EPHA8: variants seen among roughly 807,000 people sequenced by gnomAD.
The protein encoded by EPHA8 is EPH receptor A8.
EPHA8 carries 58 observed loss-of-function variants against 103.6 expected under a neutral mutation model. The observed-to-expected ratio is 0.56, with a 90% CI of 0.45 to 0.70. The LOEUF (loss-of-function observed/expected upper bound fraction) is 0.70, where lower values mean the gene tolerates loss of function less well. Ranked by LOEUF, EPHA8 falls within the 30% of genes least tolerant of loss-of-function variation. The pLI, the probability that EPHA8 is intolerant of heterozygous loss-of-function variation, is 0.00. For missense variants in EPHA8, 1,304 were observed against 1,395.2 expected (o/e 0.93, Z 1.04); for synonymous variants, 559 against 572.5 (o/e 0.98, Z 0.34).
At chr1:22,577,993 GTACACCTGTGTGTGCA>G (rs1640787425) in intron 3 of EPHA8, among the ~76,000 whole-genome samples, 3 of 636 alleles carry the variant, frequency 4.7e-3, no homozygotes, top group Non-Finnish European at 9.6e-3. Context: ...ATGTGTGCAT[GTACACCTGTGTGTGCA>G]TGTGTATGTG....
At position 22,586,509 on chromosome 1, in the gene EPHA8, C is replaced by T. The variant is rs759009996; in HGVS notation, c.853C>T (p.Pro285Ser). 3.7e-6 allele frequency: 6 copies of T among 1,613,606 alleles called. No individual in the cohort carries two copies. The African/African-American group carries it at 5.3e-5, about 14-fold the overall frequency. Reference sequence around the variant, plus strand: ...TGAGCTGGGCTTCTACAAGTCAGCCCCTGGGGACCAGCTGTGTGCCCGCTG... The same window carrying T: ...TGAGCTGGGCTTCTACAAGTCAGCCTCTGGGGACCAGCTGTGTGCCCGCTG... ...ACELGFYKSA[P>S]GDQLCARCPP... The change falls in exon 4 of 17, where the codon CCT becomes TCT. Residue 285 changes from proline (P) to serine (S), a missense_variant. Pro to Ser is a moderately conservative substitution (Grantham distance 74). Transcript: ENST00000166244.
intron 13 of EPHA8, among the ~76,000 whole-genome samples, chr1:22,599,682 G>A (rs1197703423): frequency 1.6e-4 from 7 of 44,514 alleles, no homozygotes; most frequent in Admixed American, 2.5e-4. Context: ...AAGGAGGGAA[G>A]GAAGGAAAGG....
At position 22,589,301 on chromosome 1, in the gene EPHA8, G is replaced by A; in HGVS notation, c.1315+95G>A. The A allele has an allele frequency of 6.2e-7, 1 of 1,612,630 alleles. No homozygotes were observed. The highest frequency in any genetic ancestry group is 8.5e-7 in the Non-Finnish European group (1 of 1,179,688). On this transcript the variant is annotated intron_variant, in intron 5 of 16. Coordinates refer to ENST00000166244, the MANE Select transcript of EPHA8 (RefSeq NM_020526.5). The surrounding 1 kb of genome is among the most constrained non-coding windows in gnomAD (Gnocchi z 4.3). The stretch of plus-strand genomic sequence containing the variant: ...ATCAGAGCTCTGCCGGGGACGTGCT[G>A]TGGGCCTTTAGGCAAGTGCCTCTCT...
chr1:22,593,208 A>G (rs1342862737), intron 5 of EPHA8, 118 bp from the exon 6 acceptor site: 2 of 1,425,940 alleles, frequency 1.4e-6, no homozygotes, highest in African/African-American at 1.4e-5. Context: ...CTGGGGCAGG[A>G]CCATCAGGAA....
chr1:22,590,965 C>T (rs1641356562), intron 5 of EPHA8, among the ~76,000 whole-genome samples: 1 of 151,926 alleles, frequency 6.6e-6, no homozygotes, highest in African/African-American at 2.4e-5. Context: ...CCCTAAAGCC[C>T]CAGGGACCTC....
chr1:22,576,961 C>T lies in EPHA8; in HGVS notation c.823+81C>T. 2.1e-6 allele frequency: 3 copies of T among 1,450,642 alleles called. No homozygotes were observed. The highest frequency in any genetic ancestry group is 2.7e-6 in the Non-Finnish European group (3 of 1,093,424). The allele number at this position is 1,450,642 out of a possible 1,614,324, so 89.9% of individuals were successfully genotyped here. A position where few individuals can be genotyped will look rare whatever the true frequency, so the allele number is the denominator to read the frequency against. ...AGGGCTGCCAGGGTGTAAGGGGGGA[C>T]GTCAGAGCCCACAGGCACCTGAGTG... is the stretch of plus-strand genomic sequence containing the variant. On this transcript the variant is annotated intron_variant, in intron 3 of 16. Coordinates refer to ENST00000166244, the MANE Select transcript of EPHA8 (RefSeq NM_020526.5). This position sits in a 1 kb window ranked among gnomAD's most constrained non-coding sequence, Gnocchi z 4.8.
rs1303861509 is a variant in EPHA8, at chr1:22,563,919, C to T, written c.94+190C>T. On this transcript the variant is annotated intron_variant, in intron 1 of 16. Coordinates refer to ENST00000166244, the MANE Select transcript of EPHA8 (RefSeq NM_020526.5). The surrounding 1 kb of genome is among the most constrained non-coding windows in gnomAD (Gnocchi z 4.4). ...GGACAGAGCGGTGGAGATGGGAACCCGCGAGCTTGAGGAAGACGGACAGGT... is the reference window on the plus strand; with the variant it reads ...GGACAGAGCGGTGGAGATGGGAACCTGCGAGCTTGAGGAAGACGGACAGGT... 6.6e-6 allele frequency among the ~76,000 whole-genome samples: 1 copy of T among 151,916 alleles called. No individual in the cohort carries two copies. Among genetic ancestry groups the T allele is most frequent in the Non-Finnish European group, 1.5e-5 (1 of 67,944 alleles).
At position 22,593,558 on chromosome 1, in the gene EPHA8, C is replaced by T. The variant is rs1641434044; in HGVS notation, c.1475C>T (p.Ala492Val). The T allele has an allele frequency of 6.2e-7, 1 of 1,612,500 alleles. No individual in the cohort carries two copies. Among genetic ancestry groups the T allele is most frequent in the Non-Finnish European group, 8.5e-7 (1 of 1,179,780 alleles). The change falls in exon 7 of 17, where the codon GCC (alanine) becomes GTC (valine). Residue 492 changes from alanine to valine, a missense_variant. Coordinates refer to ENST00000166244, the MANE Select transcript of EPHA8 (RefSeq NM_020526.5). ...ATGCAGAGCTACTCCACCCTCAAGG[C>T]CGTCACCACCAGAGCCACCGTCTCC... Reference protein sequence around the residue: ...KEMQSYSTLKAVTTRATVSGL... With the variant: ...KEMQSYSTLKVVTTRATVSGL...
chr1:22,597,469 C>T lies in EPHA8; in HGVS notation c.1923C>T (p.Ile641=), dbSNP rs761435838. ...EASRIHIEKI[I]GSGDSGEVCY... is the part of the protein sequence containing the mutation. The stretch of plus-strand genomic sequence containing the variant: ...CTAGGATCCACATCGAGAAAATCAT[C>T]GGCTCTGGTGAGTCTCAGGGGTTGT... The change falls in exon 10 of 17, where the codon ATC becomes ATT. Residue 641 remains isoleucine (I), a synonymous_variant. Coordinates refer to ENST00000166244, the MANE Select transcript of EPHA8 (RefSeq NM_020526.5). This position sits in a 1 kb window ranked among gnomAD's most constrained non-coding sequence, Gnocchi z 4.6. 8.7e-6 allele frequency: 14 copies of T among 1,612,786 alleles called. No individual in the cohort carries two copies. Among genetic ancestry groups the T allele is most frequent in the Middle Eastern group, 1.6e-4 (1 of 6,080 alleles).
intron 3 of EPHA8, among the ~76,000 whole-genome samples, chr1:22,578,469 T>C (rs1299635829): frequency 6.6e-6 from 1 of 151,624 alleles, no homozygotes; most frequent in Non-Finnish European, 1.5e-5. Flanking sequence ...TGCATGTGTG[T>C]GCATGTGCAT....
chr1:22,578,798 C>T (rs369302031), intron 3 of EPHA8, among the ~76,000 whole-genome samples: 181 of 146,222 alleles, frequency 1.2e-3, no homozygotes, highest in African/African-American at 4.1e-3. Context: ...TGTATGTGTG[C>T]GTGTGTGCAT....
intron 2 of EPHA8, among the ~76,000 whole-genome samples, chr1:22,570,312 G>A (rs1178432654): frequency 7.9e-6 from 1 of 127,022 alleles, no homozygotes; most frequent in Non-Finnish European, 1.6e-5. Context: ...ACGTGTGCGT[G>A]TACACACATG....
chr1:22,564,079 G>A (rs1640281424), intron 1 of EPHA8, among the ~76,000 whole-genome samples: 1 of 151,686 alleles, frequency 6.6e-6, no homozygotes, highest in Non-Finnish European at 1.5e-5. Context: ...GAGGTAAGGA[G>A]GAGAGGGTAC....
At chr1:22,580,125 CTCTTTTTTTTTTT>C (rs1557563901) in intron 3 of EPHA8, among the ~76,000 whole-genome samples, 1 of 113,086 alleles carries the variant, frequency 8.8e-6, no homozygotes, top group African/African-American at 3.5e-5. Context: ...TTCTTTCTTT[CTCTTTTTTTTTTT>C]TTTTTTTTTT....
At chr1:22,587,928 A>G (rs902252191) in intron 4 of EPHA8, among the ~76,000 whole-genome samples, 4 of 152,156 alleles carry the variant, frequency 2.6e-5, no homozygotes, top group African/African-American at 9.7e-5. Flanking sequence ...GCCAGGTGAC[A>G]GCGTGGGCAC....
chr1:22,593,804 C>T (rs1365058761), intron 7 of EPHA8, 118 bp downstream of exon 7: 2 of 1,231,614 alleles, frequency 1.6e-6, no homozygotes. Flanking sequence ...AGGATTTCTG[C>T]TCTCCTTGCC....
At chr1:22,595,668 G>A (rs919050449) in intron 8 of EPHA8, among the ~76,000 whole-genome samples, 2 of 152,202 alleles carry the variant, frequency 1.3e-5, no homozygotes, top group Non-Finnish European at 2.9e-5. Flanking sequence ...ACAGGATAGT[G>A]TGTGGGCTTG....
At chr1:22,577,904 T>C (rs1569968848) in intron 3 of EPHA8, among the ~76,000 whole-genome samples, 1 of 113,818 alleles carries the variant, frequency 8.8e-6, no homozygotes, top group Admixed American at 8.0e-5. Flanking sequence ...TGCATGTGTG[T>C]GTATGTGTGC....
intron 7 of EPHA8, among the ~76,000 whole-genome samples, chr1:22,594,216 C>T (rs999326963): frequency 2.0e-5 from 3 of 152,216 alleles, no homozygotes; most frequent in African/African-American, 7.2e-5. Flanking sequence ...TGATCTCCCA[C>T]CTTGGCCTCC....
Sources: allele counts gnomAD v4.1 joint callset (sites outside exome capture counted in the v4.1 genomes callset), GRCh38; gene constraint gnomAD v4.1.1; non-coding constraint Gnocchi (gnomAD v3.1); transcripts MANE v1.5; gene names NCBI Gene and HGNC (gene_info 2026-07-23, HGNC 2026-07-21).